CA10: variants seen among roughly 807,000 people sequenced by gnomAD.
The protein encoded by CA10 is carbonic anhydrase-related protein 10.
In CA10, 14 loss-of-function variants were observed where a neutral mutation model predicts 44.2. The ratio of observed to expected loss-of-function variants is 0.32; its 90% confidence interval spans 0.21 to 0.50. CA10 has a LOEUF of 0.50. Among genes scored for constraint, CA10 ranks in the 20% least tolerant of loss-of-function variants. CA10 has a pLI of 0.99. For missense variants in CA10, 350 were observed against 409.7 expected, an observed-to-expected ratio of 0.85 and a Z score of 1.26; for synonymous variants, 159 against 141.6, an observed-to-expected ratio of 1.12 and a Z score of -0.87.
At chr17:52,001,422 T>C (rs144780394) in intron 2 of CA10, among the ~76,000 whole-genome samples, 3 of 152,094 alleles carry the variant, frequency 2.0e-5, no homozygotes, top group Admixed American at 6.6e-5. Flanking sequence ...TCTTGGAAGA[T>C]AGAGGAGTGA....
At chr17:51,649,362 C>A in intron 5 of CA10, 108 bp from the exon 6 acceptor site, 1 of 832,542 alleles carries the variant, frequency 1.2e-6, no homozygotes, top group South Asian at 1.5e-5. Flanking sequence ...CTACCATGAG[C>A]CAAACACAAT....
intron 1 of CA10, among the ~76,000 whole-genome samples, chr17:52,075,617 G>A (rs1414671296): frequency 1.3e-5 from 2 of 152,118 alleles, no homozygotes; most frequent in African/African-American, 4.8e-5. Context: ...CTAATATGTT[G>A]CAGAGCATAG....
At chr17:52,010,249 G>A (rs560971152) in intron 2 of CA10, among the ~76,000 whole-genome samples, 7 of 151,806 alleles carry the variant, frequency 4.6e-5, no homozygotes, top group South Asian at 2.1e-4. Context: ...CCCACTTCTC[G>A]GTATCTACCT....
At chr17:51,771,885 G>T (rs1291729831) in intron 3 of CA10, among the ~76,000 whole-genome samples, 1 of 152,146 alleles carries the variant, frequency 6.6e-6, no homozygotes, top group South Asian at 2.1e-4. Context: ...TTCTCCTATG[G>T]TTCCCACACA....
chr17:51,943,403 G>C (rs547119615), intron 2 of CA10, among the ~76,000 whole-genome samples: 2 of 152,304 alleles, frequency 1.3e-5, no homozygotes, highest in East Asian at 3.9e-4. Flanking sequence ...CCTATAAAAG[G>C]TGACTGACCA....
chr17:51,908,972 G>A (rs1055803405), intron 3 of CA10, among the ~76,000 whole-genome samples: 2 of 152,112 alleles, frequency 1.3e-5, no homozygotes, highest in African/African-American at 4.8e-5. Context: ...AAATGTCCTT[G>A]GCTTTCATAA....
chr17:52,114,678 G>GAAAAAAA (rs1988853560), intron 1 of CA10, among the ~76,000 whole-genome samples: 1 of 152,096 alleles, frequency 6.6e-6, no homozygotes, highest in East Asian at 1.9e-4. Context: ...CCTACAAATG[G>GAAAAAAA]AGCTATAACA....
At chr17:52,093,964 C>T (rs1035760937) in intron 1 of CA10, among the ~76,000 whole-genome samples, 2 of 152,086 alleles carry the variant, frequency 1.3e-5, no homozygotes, top group African/African-American at 2.4e-5. Flanking sequence ...CTAAAGATTA[C>T]ATCCTTAAGA....
chr17:52,069,113 T>TTA (rs1489123793), intron 2 of CA10, among the ~76,000 whole-genome samples: 7 of 152,288 alleles, frequency 4.6e-5, no homozygotes, highest in African/African-American at 1.4e-4. Context: ...CCCACACATA[T>TTA]TATACAGATA....
intron 3 of CA10, chr17:51,761,675 A>T (rs1490624223): frequency 6.6e-6 from 1 of 152,078 alleles, no homozygotes; most frequent in Non-Finnish European, 1.5e-5. Flanking sequence ...TCAGTTAATG[A>T]CTATGCATTT....
intron 4 of CA10, among the ~76,000 whole-genome samples, chr17:51,700,201 G>A (rs1262079532): frequency 6.6e-6 from 1 of 152,152 alleles, no homozygotes; most frequent in Admixed American, 6.5e-5. Flanking sequence ...AGTCTTAGCC[G>A]GGTTGCTGCA....
At chr17:51,789,838 C>G (rs1365687631) in intron 3 of CA10, among the ~76,000 whole-genome samples, 1 of 152,216 alleles carries the variant, frequency 6.6e-6, no homozygotes, top group Non-Finnish European at 1.5e-5. Context: ...GCCTGTGAAA[C>G]CCAGCAAATG....
chr17:51,946,327 G>A (rs1353441365), intron 2 of CA10, among the ~76,000 whole-genome samples: 1 of 152,156 alleles, frequency 6.6e-6, no homozygotes, highest in Non-Finnish European at 1.5e-5. Context: ...AAGTGTGTGA[G>A]GTAAGACGTA....
At chr17:51,711,973 G>A (rs977465402) in intron 4 of CA10, among the ~76,000 whole-genome samples, 1 of 152,056 alleles carries the variant, frequency 6.6e-6, no homozygotes, top group African/African-American at 2.4e-5. Flanking sequence ...GATGGGATCT[G>A]GGCAGGAGGT....
At chr17:51,831,493 T>C (rs907501180) in intron 3 of CA10, among the ~76,000 whole-genome samples, 1 of 152,116 alleles carries the variant, frequency 6.6e-6, no homozygotes, top group African/African-American at 2.4e-5. Context: ...TTCCCATGTT[T>C]TGTGAGTTTA....
At chr17:51,888,548 A>G (rs1980715434) in intron 3 of CA10, among the ~76,000 whole-genome samples, 2 of 152,242 alleles carry the variant, frequency 1.3e-5, no homozygotes, top group Admixed American at 1.3e-4. Context: ...ATCTCAATAG[A>G]TATTTTTAAA....
At chr17:51,661,865 T>C (rs1279361808) in intron 4 of CA10, 8 of 152,252 alleles carry the variant, frequency 5.3e-5, no homozygotes, top group African/African-American at 1.4e-4. Context: ...ATTCAGATAG[T>C]AAATATATTT....
Position 52,016,584 on chromosome 17 carries a change from T to C in CA10, c.136+55735A>G, listed in dbSNP as rs1179331028. ...TACTGTCCTCAAGGTAATGAGTGAGTTCTCACTCTGAGTGCATGTGAGACC... is the reference window on the plus strand; with the variant it reads ...TACTGTCCTCAAGGTAATGAGTGAGCTCTCACTCTGAGTGCATGTGAGACC... On this transcript the variant is annotated intron_variant, in intron 2 of 8. Coordinates refer to ENST00000451037, the MANE Select transcript of CA10 (RefSeq NM_020178.5). Among the ~76,000 whole-genome samples, 5 of 152,112 alleles carry C rather than the reference T, an allele frequency of 3.3e-5. No individual in the cohort carries two copies. In the East Asian group the frequency reaches 9.7e-4, roughly 30 times the overall value.
intron 3 of CA10, among the ~76,000 whole-genome samples, chr17:51,822,632 AAC>A (rs1907856747): frequency 6.6e-6 from 1 of 152,192 alleles, no homozygotes; most frequent in East Asian, 1.9e-4. Flanking sequence ...TAGTAACTGT[AAC>A]AGTGTCTGGC....
Sources: allele counts gnomAD v4.1 joint callset (sites outside exome capture counted in the v4.1 genomes callset), GRCh38; gene constraint gnomAD v4.1.1; transcripts MANE v1.5; gene names NCBI Gene and HGNC (gene_info 2026-07-23, HGNC 2026-07-21).